Variants in TENM4 observed in about 807,000 individuals in gnomAD.
TENM4 encodes the protein teneurin transmembrane protein 4, also known as teneurin-4.
A neutral mutation model predicts 243.3 loss-of-function variants in TENM4; 82 were observed. That is an observed-to-expected ratio of 0.34 (90% CI 0.28 to 0.40). The LOEUF (loss-of-function observed/expected upper bound fraction) is 0.40, where lower values mean the gene tolerates loss of function less well. Among genes scored for constraint, TENM4 ranks in the 10% least tolerant of loss-of-function variants. The pLI is 1.00. For synonymous variants in TENM4, 1,412 were observed against 1,456.3 expected (o/e 0.97, Z 0.69); for missense variants, 3,138 against 3,673.3 (o/e 0.85, Z 3.77).
chr11:79,228,482 G>A (rs1294775107), intron 2 of TENM4, among the ~76,000 whole-genome samples: 2 of 152,096 alleles, frequency 1.3e-5, no homozygotes, highest in African/African-American at 4.8e-5. Context: ...CCAATGCCGA[G>A]ACTCCAGTGC....
Position 78,915,865 on chromosome 11 carries a change from A to G in TENM4, c.494-12342T>C, listed in dbSNP as rs149954263. Among the ~76,000 whole-genome samples, 184 of 152,292 alleles carry G rather than the reference A, an allele frequency of 1.2e-3. 2 individuals are homozygous for G. Among genetic ancestry groups the G allele is most frequent in the African/African-American group, 3.6e-3 (151 of 41,560 alleles). ...TCCCTCCACTTTGTAGCCATCAGTA[A>G]TTTTGAAGAAACGACTTTCTCTTGG... On this transcript the variant is annotated intron_variant, in intron 6 of 33. Coordinates refer to ENST00000278550, the MANE Select transcript of TENM4 (RefSeq NM_001098816.3).
intron 1 of TENM4, among the ~76,000 whole-genome samples, chr11:79,347,762 CTTTTTTTTTTTT>C (rs528675032): frequency 1.4e-4 from 13 of 94,726 alleles, no homozygotes; most frequent in South Asian, 3.8e-4. Context: ...CTATCCTCTC[CTTTTTTTTTTTT>C]TTTTTTTTTT....
intron 5 of TENM4, among the ~76,000 whole-genome samples, chr11:79,066,412 G>A (rs1046756277): frequency 2.6e-5 from 4 of 152,100 alleles, no homozygotes; most frequent in Non-Finnish European, 5.9e-5. Context: ...CAGCAGAGAC[G>A]CCATCTTATT....
intron 4 of TENM4, among the ~76,000 whole-genome samples, chr11:79,119,890 C>T (rs1385853575): frequency 6.6e-6 from 1 of 152,158 alleles, no homozygotes; most frequent in Non-Finnish European, 1.5e-5. Context: ...AGCTCGATAA[C>T]CAGCTCAGGT....
intron 4 of TENM4, among the ~76,000 whole-genome samples, chr11:79,124,792 T>C (rs1479776581): frequency 6.8e-6 from 1 of 146,338 alleles, no homozygotes; most frequent in African/African-American, 2.5e-5. Flanking sequence ...TATGTGTATA[T>C]ATATGTATAT....
chr11:78,918,455 A>G (rs1856370678), intron 6 of TENM4, among the ~76,000 whole-genome samples: 1 of 152,160 alleles, frequency 6.6e-6, no homozygotes, highest in Admixed American at 6.5e-5. Flanking sequence ...TATGTTAAAA[A>G]AAAAAAAAAG....
chr11:78,920,830 G>T (rs1373254433), intron 6 of TENM4, among the ~76,000 whole-genome samples: 1 of 152,218 alleles, frequency 6.6e-6, no homozygotes, highest in African/African-American at 2.4e-5. Context: ...TGAGTCTGTG[G>T]CTGTTTTCAT....
At position 78,653,022 on chromosome 11, in the gene TENM4, A is replaced by G. The variant is rs1857807791; in HGVS notation, c.*5036T>C. ...GTGGGATGGGGAGCCACGCTGCACTAGTGATGTCAGAGGAGCTGTGATATT... is the reference window on the plus strand; with the variant it reads ...GTGGGATGGGGAGCCACGCTGCACTGGTGATGTCAGAGGAGCTGTGATATT... On this transcript the variant is annotated 3_prime_UTR_variant, in exon 34 of 34. Coordinates refer to ENST00000278550, the MANE Select transcript of TENM4 (RefSeq NM_001098816.3). The G allele has an allele frequency of 6.6e-6, 1 of 152,212 alleles. No individual in the cohort carries two copies. Among genetic ancestry groups the G allele is most frequent in the Non-Finnish European group, 1.5e-5 (1 of 68,028 alleles). The allele number at this position is 152,212 out of a possible 1,614,324, so 9.4% of individuals were successfully genotyped here. A position where few individuals can be genotyped will look rare whatever the true frequency, so the allele number is the denominator to read the frequency against.
chr11:78,875,130 AGTC>A lies in TENM4; in HGVS notation c.1085-12001_1085-11999del, dbSNP rs1404049972. The stretch of plus-strand genomic sequence containing the variant: ...CACTTTGGGTGCAAACCGCCGCCCC[AGTC>A]AGTGCACATGTGCATGGCAGTGCTG... On this transcript the variant is annotated intron_variant, in intron 9 of 33. Transcript: ENST00000278550. Among the ~76,000 whole-genome samples the A allele has an allele frequency of 3.4e-3, 513 of 152,348 alleles. 3 individuals carry two copies. The highest frequency in any genetic ancestry group is 0.012 in the African/African-American group (483 of 41,580).
intron 29 of TENM4, among the ~76,000 whole-genome samples, chr11:78,686,225 C>T (rs1858665900): frequency 6.6e-6 from 1 of 152,226 alleles, no homozygotes; most frequent in Middle Eastern, 3.4e-3. Flanking sequence ...ATGAAGGCTT[C>T]CTAAAAGGCC....
In TENM4 at chr11:78,669,389, T is replaced by C; in HGVS notation, c.6956A>G (p.Asn2319Ser). The C allele has an allele frequency of 1.2e-6, 2 of 1,613,592 alleles. No homozygotes were observed. Among genetic ancestry groups the C allele is most frequent in the East Asian group, 2.2e-5 (1 of 44,868 alleles). Residue 2319 changes from asparagine to serine, a missense_variant, in exon 32 of 34, where the codon AAC (asparagine) becomes AGC (serine). Transcript: ENST00000278550. This position sits in a 1 kb window ranked among gnomAD's most constrained non-coding sequence, Gnocchi z 6.4. ...HLQFFYADLT[N>S]PTKVTHLYNH... The stretch of plus-strand genomic sequence containing the variant: ...GTACAGGTGGGTGACCTTGGTGGGG[T>C]TGGTCAGGTCTGCATAGAAGAACTG...
At chr11:79,206,750 C>G (rs1185845199) in intron 3 of TENM4, among the ~76,000 whole-genome samples, 4 of 152,190 alleles carry the variant, frequency 2.6e-5, no homozygotes, top group African/African-American at 9.7e-5. Context: ...GGCCATGATT[C>G]TGAGGCCTCC....
intron 1 of TENM4, among the ~76,000 whole-genome samples, chr11:79,310,371 A>C (rs1317874768): frequency 6.6e-6 from 1 of 152,116 alleles, no homozygotes; most frequent in Non-Finnish European, 1.5e-5. Flanking sequence ...GCCAGCCAAA[A>C]CTCTGATAAG....
intron 7 of TENM4, among the ~76,000 whole-genome samples, chr11:78,902,997 A>G (rs1363375110): frequency 4.6e-5 from 7 of 151,576 alleles, no homozygotes; most frequent in Non-Finnish European, 8.8e-5. Flanking sequence ...AGATAAGGGA[A>G]GAGAGGCAAG....
intron 3 of TENM4, among the ~76,000 whole-genome samples, chr11:79,214,417 C>G (rs79961254): frequency 1.1e-4 from 17 of 152,124 alleles, no homozygotes; most frequent in South Asian, 4.1e-4. Flanking sequence ...GTTTTTATTC[C>G]TTGTGATATC....
chr11:79,023,667 T>A lies in TENM4; in HGVS notation c.493+41071A>T, dbSNP rs148345293. Among the ~76,000 whole-genome samples, 713 of 152,312 alleles carry A rather than the reference T, an allele frequency of 4.7e-3. 8 individuals carry two copies. Among genetic ancestry groups the A allele is most frequent in the African/African-American group, 0.016 (666 of 41,566 alleles). On this transcript the variant is annotated intron_variant, in intron 6 of 33. Coordinates refer to ENST00000278550, the MANE Select transcript of TENM4 (RefSeq NM_001098816.3). Reference sequence around the variant, plus strand: ...CTAATGACAATTATCTGCTTCACTGTTAATTAATGTGGCAGTAAAAAGCTA... The same window carrying A: ...CTAATGACAATTATCTGCTTCACTGATAATTAATGTGGCAGTAAAAAGCTA...
At chr11:79,118,253 G>T (rs1015580805) in intron 4 of TENM4, among the ~76,000 whole-genome samples, 1 of 152,104 alleles carries the variant, frequency 6.6e-6, no homozygotes, top group Non-Finnish European at 1.5e-5. Context: ...GTTATGAAAG[G>T]ACTTGGCAAA....
chr11:79,268,410 A>G (rs1002560130), intron 2 of TENM4, among the ~76,000 whole-genome samples: 1 of 152,200 alleles, frequency 6.6e-6, no homozygotes, highest in African/African-American at 2.4e-5. Context: ...CATTTCAGCT[A>G]TCTGACACTG....
rs779438921 is a variant in TENM4, at chr11:78,786,996, T to G, written c.2267A>C (p.Asp756Ala). ...CEDGWMGAAC[D>A]QRACHPRCAE... ...ACAGCGCGGGTGGCAGGCCCGCTGG[T>G]CGCAGGCTGCCCCCATCCAGCCATC... The change falls in exon 16 of 34, where the codon GAC (aspartate) becomes GCC (alanine). Residue 756 changes from aspartate (D) to alanine (A), a missense_variant. Physicochemically the swap from Asp to Ala is moderately radical, Grantham distance 126. This residue lies in a region of TENM4 where 2,467 missense variants were observed against 3,059.1 expected (regional missense o/e 0.81). Coordinates refer to ENST00000278550, the MANE Select transcript of TENM4 (RefSeq NM_001098816.3). 6.4e-7 allele frequency: 1 copy of G among 1,574,144 alleles called. No individual in the cohort carries two copies. The highest frequency in any genetic ancestry group is 1.2e-5 in the South Asian group (1 of 85,632).
Sources: allele counts gnomAD v4.1 joint callset (sites outside exome capture counted in the v4.1 genomes callset), GRCh38; gene constraint gnomAD v4.1.1; regional missense constraint gnomAD v4.1.1; non-coding constraint Gnocchi (gnomAD v3.1); transcripts MANE v1.5; gene names NCBI Gene and HGNC (gene_info 2026-07-23, HGNC 2026-07-21).